The following SNRPN variants were observed in gnomAD, a reference collection of about 807,000 sequenced individuals.
The protein encoded by SNRPN is small nuclear ribonucleoprotein-associated protein N.
In SNRPN, 7 loss-of-function variants were observed where a neutral mutation model predicts 25.2. The observed-to-expected ratio is 0.28, with a 90% CI of 0.16 to 0.52. The LOEUF (loss-of-function observed/expected upper bound fraction) is 0.52. Ranked by LOEUF, SNRPN falls within the 20% of genes least tolerant of loss-of-function variation. The probability of loss-of-function intolerance (pLI) is 0.96; values close to 1 mark genes in which losing one functional copy is unlikely to be tolerated. For synonymous variants in SNRPN, 124 were observed against 110.6 expected, an observed-to-expected ratio of 1.12 and a Z score of -0.76; for missense variants, 196 against 322.5, an observed-to-expected ratio of 0.61 and a Z score of 3.00.
At chr15:24,870,496 G>C (rs971146704) in intron 1 of SNRPN, among the ~76,000 whole-genome samples, 10 of 151,964 alleles carry the variant, frequency 6.6e-5, no homozygotes, top group Admixed American at 5.2e-4. Flanking sequence ...CCACTACTTG[G>C]TTGTAACCCC....
intron 1 of SNRPN, among the ~76,000 whole-genome samples, chr15:24,864,435 C>T (rs1343871755): frequency 6.7e-6 from 1 of 149,656 alleles, no homozygotes; most frequent in Non-Finnish European, 1.5e-5. Context: ...CCTCTGCCTC[C>T]CGGGTTCAAG....
At chr15:24,943,150 A>G (rs1436582478) in intron 3 of SNRPN, among the ~76,000 whole-genome samples, 1 of 151,842 alleles carries the variant, frequency 6.6e-6, no homozygotes, top group Non-Finnish European at 1.5e-5. Context: ...CAGCCAAACC[A>G]TTGACCACGG....
chr15:24,862,730 C>A lies in SNRPN; in HGVS notation c.-579+6014C>A, dbSNP rs148041478. On this transcript the variant is annotated intron_variant, in intron 1 of 11. Coordinates refer to the SNRPN transcript ENST00000400097. ...AGGAACTCAGGGGACAGGCATCAGG[C>A]CTGGGATGGGATGGACAAGGGGGGC... Among the ~76,000 whole-genome samples the A allele has an allele frequency of 2.0e-4, 30 of 150,692 alleles. 6 individuals are homozygous for A. The highest frequency in any genetic ancestry group is 7.5e-4 in the African/African-American group (30 of 40,228).
intron 2 of SNRPN, among the ~76,000 whole-genome samples, chr15:24,841,416 G>A (rs2051695767): frequency 6.6e-6 from 1 of 152,094 alleles, no homozygotes; most frequent in Non-Finnish European, 1.5e-5. Flanking sequence ...AAGTACATAA[G>A]CATTGTGTGC....
At chr15:24,908,999 T>A (rs1212059932) in intron 2 of SNRPN, 6 of 1,417,972 alleles carry the variant, frequency 4.2e-6, no homozygotes, top group Non-Finnish European at 6.0e-6. Context: ...ATCCTTCTTC[T>A]GAGCAAGGGA....
intron 2 of SNRPN, among the ~76,000 whole-genome samples, chr15:24,834,724 T>C (rs1016444146): frequency 1.4e-4 from 9 of 65,922 alleles, no homozygotes; most frequent in African/African-American, 5.3e-4. Context: ...TGTCTCTCTC[T>C]CTCCCTCTCT....
At chr15:24,907,479 T>G (rs1595831815) in intron 2 of SNRPN, among the ~76,000 whole-genome samples, 1 of 152,090 alleles carries the variant, frequency 6.6e-6, no homozygotes, top group Admixed American at 6.5e-5. Flanking sequence ...TCGCCTGTAG[T>G]CCCAGCTACT....
At chr15:24,908,943 C>T (rs2059035644) in intron 2 of SNRPN, 3 of 1,270,010 alleles carry the variant, frequency 2.4e-6, no homozygotes, top group African/African-American at 3.0e-5. Flanking sequence ...CTCTCAGCAG[C>T]CTGCTTCTGA....
chr15:24,871,544 T>C (rs1481456485), intron 1 of SNRPN, among the ~76,000 whole-genome samples: 2 of 152,022 alleles, frequency 1.3e-5, no homozygotes, highest in East Asian at 3.9e-4. Flanking sequence ...ATGTCAATCA[T>C]CTTTTTATGT....
intron 1 of SNRPN, among the ~76,000 whole-genome samples, chr15:24,827,501 G>A (rs1201144891): frequency 7.7e-6 from 1 of 129,842 alleles, no homozygotes; most frequent in East Asian, 2.2e-4. Context: ...GGGTGAAAGA[G>A]CGAGACTCTG....
At position 24,908,979 on chromosome 15, in the gene SNRPN, G is replaced by C. The variant is rs554478097; in HGVS notation, c.-504-11032G>C. ...GCTCTGAGGAAGCTTGCATTCTTTTGAGCTACCCAATCCTTCTTCTGAGCA... is the reference window on the plus strand; with the variant it reads ...GCTCTGAGGAAGCTTGCATTCTTTTCAGCTACCCAATCCTTCTTCTGAGCA... On this transcript the variant is annotated intron_variant, in intron 2 of 11. Transcript: ENST00000400097. The C allele has an allele frequency of 4.2e-5, 59 of 1,398,104 alleles. No homozygotes were observed. In the African/African-American group the frequency reaches 8.1e-4, roughly 19 times the overall value. The allele number at this position is 1,398,104 out of a possible 1,614,324, so 86.6% of individuals were successfully genotyped here. A position where few individuals can be genotyped will look rare whatever the true frequency, so the allele number is the denominator to read the frequency against.
At chr15:24,966,744 C>G (rs2075698416) in intron 2 of SNRPN, among the ~76,000 whole-genome samples, 1 of 152,154 alleles carries the variant, frequency 6.6e-6, no homozygotes, top group Admixed American at 6.5e-5. Flanking sequence ...CTTTATTATA[C>G]AGAAGCAATT....
upstream of SNRPN, among the ~76,000 whole-genome samples, chr15:24,853,285 A>G (rs2053053550): frequency 1.3e-5 from 2 of 152,180 alleles, no homozygotes; most frequent in Admixed American, 6.5e-5. Context: ...CCCATCCAGG[A>G]TGACACATCA....
At chr15:24,974,860 G>C in intron 4 of SNRPN, 1 of 699,054 alleles carries the variant, frequency 1.4e-6, no homozygotes, top group Non-Finnish European at 2.6e-6. Context: ...CACTGTGCCT[G>C]GCCATGAGAA....
chr15:24,927,507 T>TAC (rs2060491097), intron 3 of SNRPN, among the ~76,000 whole-genome samples: 1 of 106,846 alleles, frequency 9.4e-6, no homozygotes, highest in Non-Finnish European at 2.0e-5. Context: ...TTTTTTTTTT[T>TAC]TTTTTTTTTT....
intron 3 of SNRPN, among the ~76,000 whole-genome samples, chr15:24,940,094 A>G (rs1473714656): frequency 6.6e-6 from 1 of 152,080 alleles, no homozygotes; most frequent in Non-Finnish European, 1.5e-5. Context: ...CTGGCTGAGG[A>G]GTCTTATATC....
intron 2 of SNRPN, among the ~76,000 whole-genome samples, chr15:24,905,680 T>A (rs1479399520): frequency 6.6e-6 from 1 of 152,162 alleles, no homozygotes; most frequent in Non-Finnish European, 1.5e-5. Context: ...GAGAGGAGCT[T>A]AGTTTAGCGA....
chr15:24,891,834 A>C (rs2057703999), intron 2 of SNRPN, among the ~76,000 whole-genome samples: 1 of 152,222 alleles, frequency 6.6e-6, no homozygotes, highest in South Asian at 2.1e-4. Context: ...CATACAGGCA[A>C]ATATCAAAAG....
intron 1 of SNRPN, among the ~76,000 whole-genome samples, chr15:24,829,062 G>T (rs932292215): frequency 2.0e-5 from 3 of 152,116 alleles, no homozygotes; most frequent in Admixed American, 1.3e-4. Flanking sequence ...AAGCAGAAAA[G>T]AATATAGGTG....
Sources: gnomAD v4.1 joint callset for allele counts (sites outside exome capture counted in the v4.1 genomes callset) on GRCh38, gnomAD v4.1.1 for gene constraint, MANE v1.5 for transcripts, NCBI Gene and HGNC (gene_info 2026-07-23, HGNC 2026-07-21) for gene names.